Variants in RPS8 observed in about 807,000 individuals in gnomAD.
RPS8 encodes the protein small ribosomal subunit protein eS8.
For missense variants in RPS8, 141 were observed against 269.7 expected, an observed-to-expected ratio of 0.52 and a Z score of 3.34; for synonymous variants, 100 against 100.7, an observed-to-expected ratio of 0.99 and a Z score of 0.04.
intron 3 of RPS8, 64 bp downstream of exon 3, chr1:44,776,838 T>G: frequency 3.8e-6 from 5 of 1,303,910 alleles, no homozygotes; most frequent in Non-Finnish European, 5.3e-6. Flanking sequence ...ATTCACCAAG[T>G]GGGCCTGGCG....
chr1:44,775,905 G>T, intron 1 of RPS8, 129 bp from the exon 2 acceptor site: 1 of 900,388 alleles, frequency 1.1e-6, no homozygotes, highest in East Asian at 2.4e-5. Context: ...ACTCCCGAGT[G>T]CGCGGTGGGG....
Position 44,777,648 on chromosome 1 carries a change from C to T in RPS8, c.246C>T (p.Val82=). Residue 82 remains valine (V), a synonymous_variant, in exon 4 of 6, where the codon GTC becomes GTT. Coordinates refer to ENST00000396651, the MANE Select transcript of RPS8 (RefSeq NM_001012.2). The stretch of plus-strand genomic sequence containing the variant: ...GTAAAACAAGGATCATCGATGTTGT[C>T]TACAATGCATCTAATAACGAGCTGG... ...CTRKTRIIDV[V]YNASNNELVR... 2 of 1,613,960 alleles carry T rather than the reference C, an allele frequency of 1.2e-6. No individual in the cohort carries two copies. Among genetic ancestry groups the T allele is most frequent in the Non-Finnish European group, 1.7e-6 (2 of 1,179,846 alleles).
At chr1:44,778,512 C>A in intron 5 of RPS8, 64 bp from the exon 6 acceptor site, 4 of 1,290,126 alleles carry the variant, frequency 3.1e-6, no homozygotes, top group African/African-American at 1.5e-5. Flanking sequence ...GATTCTTAAG[C>A]GGGTGGAGAG....
chr1:44,778,180 C>G, intron 5 of RPS8, 51 bp downstream of exon 5: 1 of 1,586,742 alleles, frequency 6.3e-7, no homozygotes, highest in Non-Finnish European at 8.6e-7. Context: ...TTGAGTGTGC[C>G]GAGGCACTTT....
intron 4 of RPS8, 37 bp from the exon 5 acceptor site, chr1:44,777,963 C>T: frequency 6.2e-7 from 1 of 1,613,096 alleles, no homozygotes; most frequent in Non-Finnish European, 8.5e-7. Context: ...GGCCTGCCTT[C>T]CTTCCCTGAG....
At position 44,776,212 on chromosome 1, in the gene RPS8, C is replaced by A. The variant is rs1002100619; in HGVS notation, c.111+72C>A. On this transcript the variant is annotated intron_variant, in intron 2 of 5. Transcript: ENST00000396651. ...GCTCTCCAGCGTGCTCGGGTCTTTC[C>A]GTGTGACAGTTGTGCGTTCTTTCTT... is the stretch of plus-strand genomic sequence containing the variant. 7 of 1,101,918 alleles carry A rather than the reference C, an allele frequency of 6.4e-6. No homozygotes were observed. In the African/African-American group the frequency reaches 1.1e-4, roughly 18 times the overall value. The allele number at this position is 1,101,918 out of a possible 1,614,324, so 68.3% of individuals were successfully genotyped here.
intron 3 of RPS8, 75 bp downstream of exon 3, chr1:44,776,849 C>A: frequency 8.9e-7 from 1 of 1,120,056 alleles, no homozygotes; most frequent in Non-Finnish European, 1.3e-6. Flanking sequence ...GGGCCTGGCG[C>A]GGTGGCTCAC....
In RPS8 at chr1:44,775,587, G is replaced by C. The variant is rs780371201; in HGVS notation, c.-10G>C. The C allele has an allele frequency of 5.0e-6, 8 of 1,614,158 alleles. No homozygotes were observed. Among genetic ancestry groups the C allele is most frequent in the Non-Finnish European group, 6.8e-6 (8 of 1,179,994 alleles). On this transcript the variant is annotated 5_prime_UTR_variant, in exon 1 of 6. Coordinates refer to ENST00000396651, the MANE Select transcript of RPS8 (RefSeq NM_001012.2). ...TCTTTGCGGTTTCTCTTTCCAGCCA[G>C]CGCCGAGCGATGGGTGAGTGTCGCT...
intron 1 of RPS8, 115 bp from the exon 2 acceptor site, chr1:44,775,919 C>T: frequency 9.8e-7 from 1 of 1,015,384 alleles, no homozygotes; most frequent in Non-Finnish European, 1.6e-6. Flanking sequence ...GGTGGGGAAG[C>T]CAACCTTGGA....
At chr1:44,776,340 G>C in intron 2 of RPS8, 200 bp downstream of exon 2, 1 of 674,288 alleles carries the variant, frequency 1.5e-6, no homozygotes, top group Non-Finnish European at 2.6e-6. Context: ...CCCCAAACCT[G>C]GAGCTTAGGA....
chr1:44,778,623 G>A lies in RPS8; in HGVS notation c.565G>A (p.Val189Met). Residue 189 changes from valine (V) to methionine (M), a missense_variant, in exon 6 of 6, where the codon GTG (valine) becomes ATG (methionine). Val to Met is a conservative substitution (Grantham distance 21). Transcript: ENST00000396651. Reference sequence around the variant, plus strand: ...ACAGTGTGGCCGAGCAGATGGCTATGTGCTAGAGGGCAAAGAGTTGGAGTT... The same window carrying A: ...ACAGTGTGGCCGAGCAGATGGCTATATGCTAGAGGGCAAAGAGTTGGAGTT... ...PGQCGRADGY[V>M]LEGKELEFYL... is the part of the protein sequence containing the mutation. 6.2e-7 allele frequency: 1 copy of A among 1,613,784 alleles called. No individual in the cohort carries two copies.
At chr1:44,776,291 T>C (rs1227890267) in intron 2 of RPS8, 151 bp downstream of exon 2, 17 of 662,820 alleles carry the variant, frequency 2.6e-5, no homozygotes, top group Non-Finnish European at 4.2e-5. Flanking sequence ...CTTTAGCTGT[T>C]GGATAAGTAA....
chr1:44,775,592 G>T lies in RPS8; in HGVS notation c.-5G>T, dbSNP rs200295931. The T allele has an allele frequency of 2.5e-6, 4 of 1,614,022 alleles. No individual in the cohort carries two copies. Among genetic ancestry groups the T allele is most frequent in the Non-Finnish European group, 3.4e-6 (4 of 1,179,996 alleles). ...GCGGTTTCTCTTTCCAGCCAGCGCC[G>T]AGCGATGGGTGAGTGTCGCTCTGCA... On this transcript the variant is annotated 5_prime_UTR_variant, in exon 1 of 6. Transcript: ENST00000396651.
chr1:44,777,339 G>T, intron 3 of RPS8: 1 of 384,352 alleles, frequency 2.6e-6, no homozygotes, highest in Non-Finnish European at 4.8e-6. Context: ...CCAAAGTGCT[G>T]GGGTTACGGG....
At chr1:44,778,330 A>G (rs903682158) in intron 5 of RPS8, 10 of 832,326 alleles carry the variant, frequency 1.2e-5, no homozygotes, top group Non-Finnish European at 2.1e-5. Flanking sequence ...AAGAGTCTGC[A>G]TAGGCCCGTG....
At chr1:44,776,646 C>A in intron 2 of RPS8, 29 bp from the exon 3 acceptor site, 1 of 1,598,920 alleles carries the variant, frequency 6.3e-7, no homozygotes, top group Non-Finnish European at 8.6e-7. Context: ...TCCTTGGTAA[C>A]CTAGTTCCTG....
At chr1:44,777,191 C>A (rs947491136) in intron 3 of RPS8, 5 of 208,552 alleles carry the variant, frequency 2.4e-5, no homozygotes, top group Non-Finnish European at 4.9e-5. Context: ...CCTGCCTCAG[C>A]CTCCCAAGAA....
chr1:44,775,763 G>C, intron 1 of RPS8, 163 bp downstream of exon 1: 13 of 996,230 alleles, frequency 1.3e-5, no homozygotes, highest in Non-Finnish European at 2.0e-5. Context: ...CCGTCTCTGG[G>C]GGCTGCGAAG....
chr1:44,777,022 C>T, intron 3 of RPS8: 2 of 403,884 alleles, frequency 5.0e-6, no homozygotes, highest in Non-Finnish European at 8.9e-6. Flanking sequence ...GAAGTTTCTC[C>T]TTGCTGAAAG....
Sources: gnomAD v4.1 joint callset for allele counts on GRCh38, gnomAD v4.1.1 for gene constraint, MANE v1.5 for transcripts, NCBI Gene and HGNC (gene_info 2026-07-23, HGNC 2026-07-21) for gene names.